The following ADORA2B variants were observed in gnomAD, a reference collection of about 807,000 sequenced individuals.
The protein encoded by ADORA2B is adenosine A2b receptor, also known as adenosine receptor A2b.
In ADORA2B, 18 loss-of-function variants were observed where a neutral mutation model predicts 20.8. The observed-to-expected ratio is 0.87, with a 90% CI of 0.60 to 1.29. The LOEUF is 1.29. ADORA2B is among the 50% of genes most tolerant of loss of function. The pLI is 0.00. For synonymous variants in ADORA2B, 179 were observed against 178.3 expected (o/e 1.00, Z -0.03); for missense variants, 441 against 422.7 (o/e 1.04, Z -0.38).
the ADORA2B span, among the ~76,000 whole-genome samples, chr17:15,866,718 TCTGCCG>T: frequency 3.5e-4 from 45 of 127,532 alleles, no homozygotes; most frequent in Middle Eastern, 4.5e-3. Flanking sequence ...TGCCGCTGCC[TCTGCCG>T]CTGCCGCTGC....
At chr17:15,893,504 T>G in the ADORA2B span, among the ~76,000 whole-genome samples, 14 of 97,462 alleles carry the variant, frequency 1.4e-4, no homozygotes, top group Non-Finnish European at 2.5e-4. Flanking sequence ...CCTCCCTCCC[T>G]CCCTCCTCCC....
chr17:15,892,494 C>G, the ADORA2B span, among the ~76,000 whole-genome samples: 6 of 152,202 alleles, frequency 3.9e-5, no homozygotes, highest in East Asian at 1.2e-3. Flanking sequence ...GTTGGCCAGG[C>G]TGGTCTTGAA....
the ADORA2B span, among the ~76,000 whole-genome samples, chr17:15,880,289 C>T: frequency 1.5e-5 from 2 of 131,298 alleles, no homozygotes; most frequent in Non-Finnish European, 3.3e-5. Flanking sequence ...AGGTTTCTAG[C>T]CCTATCTTCT....
At chr17:15,923,261 G>T in the ADORA2B span, among the ~76,000 whole-genome samples, 1 of 145,106 alleles carries the variant, frequency 6.9e-6, no homozygotes, top group Non-Finnish European at 1.5e-5. Flanking sequence ...TGTTGGCCAG[G>T]CTGGTCTCAA....
chr17:15,906,397 TATG>T, the ADORA2B span, among the ~76,000 whole-genome samples: 1 of 152,238 alleles, frequency 6.6e-6, no homozygotes, highest in South Asian at 2.1e-4. Context: ...AATTGATTAA[TATG>T]ATGAATTACA....
intron 1 of ADORA2B, among the ~76,000 whole-genome samples, chr17:15,955,422 CAG>C (rs1410600923): frequency 3.3e-5 from 5 of 149,536 alleles, no homozygotes; most frequent in Non-Finnish European, 5.9e-5. Flanking sequence ...TTTTTCGAGA[CAG>C]AGTCTCGCTT....
chr17:15,867,198 G>A, the ADORA2B span, among the ~76,000 whole-genome samples: 285 of 152,034 alleles, frequency 1.9e-3, 2 homozygotes, highest in African/African-American at 6.5e-3. Context: ...GCCTCTGCCC[G>A]GCCGCCACCC....
upstream of ADORA2B, among the ~76,000 whole-genome samples, chr17:15,943,204 C>T (rs1479113084): frequency 6.6e-6 from 1 of 152,216 alleles, no homozygotes. Flanking sequence ...AAAAAATTCC[C>T]TGTAATCATC....
the ADORA2B span, among the ~76,000 whole-genome samples, chr17:15,898,208 A>G: frequency 3.9e-5 from 6 of 152,300 alleles, no homozygotes; most frequent in Admixed American, 1.3e-4. Flanking sequence ...ATAAAGATAC[A>G]ATGAGACCTT....
chr17:15,965,023 G>A (rs558803052), intron 1 of ADORA2B, among the ~76,000 whole-genome samples: 30 of 152,122 alleles, frequency 2.0e-4, no homozygotes, highest in Admixed American at 3.9e-4. Context: ...TCGTGCCACT[G>A]CGCTCCAGCC....
the ADORA2B span, among the ~76,000 whole-genome samples, chr17:15,897,518 A>C: frequency 6.6e-6 from 1 of 152,178 alleles, no homozygotes; most frequent in Admixed American, 6.6e-5. Context: ...CAGTGAGCCA[A>C]GATCACCCCA....
chr17:15,899,198 C>G, the ADORA2B span, among the ~76,000 whole-genome samples: 1 of 151,842 alleles, frequency 6.6e-6, no homozygotes, highest in African/African-American at 2.4e-5. Flanking sequence ...CCACTGCACT[C>G]CAGCCTGGGT....
chr17:15,894,316 GT>G, the ADORA2B span, among the ~76,000 whole-genome samples: 1 of 152,234 alleles, frequency 6.6e-6, no homozygotes, highest in African/African-American at 2.4e-5. Flanking sequence ...GAGAAACTCA[GT>G]GCTGTGAGAG....
At chr17:15,898,418 C>G in the ADORA2B span, among the ~76,000 whole-genome samples, 1 of 151,010 alleles carries the variant, frequency 6.6e-6, no homozygotes, top group African/African-American at 2.4e-5. Flanking sequence ...ATCAGCCTCC[C>G]GAGTAGCTGG....
the ADORA2B span, among the ~76,000 whole-genome samples, chr17:15,873,073 A>G: frequency 6.6e-6 from 1 of 152,144 alleles, no homozygotes; most frequent in African/African-American, 2.4e-5. Context: ...TTTTGAGGCA[A>G]GTTCTTTTAT....
the ADORA2B span, among the ~76,000 whole-genome samples, chr17:15,895,291 C>T: frequency 6.6e-6 from 1 of 152,222 alleles, no homozygotes; most frequent in African/African-American, 2.4e-5. Context: ...GAATTTGACA[C>T]ATACAATTAA....
the ADORA2B span, among the ~76,000 whole-genome samples, chr17:15,896,379 A>C: frequency 1.3e-5 from 2 of 152,198 alleles, no homozygotes; most frequent in Non-Finnish European, 2.9e-5. Flanking sequence ...TATTTAAAAA[A>C]GAAATTTGGA....
At chr17:15,874,193 CATT>C in the ADORA2B span, among the ~76,000 whole-genome samples, 1 of 151,384 alleles carries the variant, frequency 6.6e-6, no homozygotes, top group African/African-American at 2.4e-5. Context: ...AGCTGGAGGC[CATT>C]ATTCTAAATG....
chr17:15,954,478 C>T (rs925108297), intron 1 of ADORA2B, among the ~76,000 whole-genome samples: 3 of 152,234 alleles, frequency 2.0e-5, no homozygotes, highest in Non-Finnish European at 2.9e-5. Flanking sequence ...GCCACACAGC[C>T]GCTAGGGCTT....
Sources: allele counts gnomAD v4.1 joint callset (sites outside exome capture counted in the v4.1 genomes callset), GRCh38; gene constraint gnomAD v4.1.1; transcripts MANE v1.5; gene names NCBI Gene and HGNC (gene_info 2026-07-23, HGNC 2026-07-21).